The following PLCE1 variants were observed in gnomAD, a reference collection of about 807,000 sequenced individuals.
The protein encoded by PLCE1 is phospholipase C epsilon 1, also known as 1-phosphatidylinositol 4,5-bisphosphate phosphodiesterase epsilon-1.
PLCE1 carries 119 observed loss-of-function variants against 242.8 expected under a neutral mutation model. The ratio of observed to expected loss-of-function variants is 0.49; its 90% CI spans 0.42 to 0.57. The LOEUF (loss-of-function observed/expected upper bound fraction) is 0.57, where lower values mean the gene tolerates loss of function less well. Ranked by LOEUF, PLCE1 falls within the 20% of genes least tolerant of loss-of-function variation. PLCE1 has a pLI of 0.00. For missense variants in PLCE1, 2,441 were observed against 2,788.8 expected (o/e 0.88, Z 2.81); for synonymous variants, 945 against 1,017.4 (o/e 0.93, Z 1.35).
intron 2 of PLCE1, among the ~76,000 whole-genome samples, chr10:94,093,336 G>C (rs1237218655): frequency 6.6e-6 from 1 of 152,174 alleles, no homozygotes; most frequent in Non-Finnish European, 1.5e-5. Context: ...GAAAGTCTTT[G>C]TGAACGTTTC....
intron 26 of PLCE1, 143 bp from the exon 27 acceptor site, chr10:94,308,438 C>T (rs759880574): frequency 5.2e-4 from 398 of 762,920 alleles, no homozygotes; most frequent in Non-Finnish European, 7.4e-4. Flanking sequence ...ACTCTCTTGG[C>T]GAAAAGACGC....
Position 94,173,569 on chromosome 10 carries a change from T to A in PLCE1, c.1809+2073T>A, listed in dbSNP as rs2048045793. ...TTAAATTTCGACCTGAACTTAAAAG[T>A]GAATTGCCAAAACTTTTAAAATCTA... On this transcript the variant is annotated intron_variant, in intron 4 of 32. Coordinates refer to ENST00000371380, the MANE Select transcript of PLCE1 (RefSeq NM_016341.4). 2.0e-5 allele frequency among the ~76,000 whole-genome samples: 3 copies of A among 152,342 alleles called. No individual in the cohort carries two copies. The East Asian group carries it at 5.8e-4, about 29-fold the overall frequency.
intron 7 of PLCE1, among the ~76,000 whole-genome samples, chr10:94,238,680 G>A (rs755985982): frequency 3.9e-5 from 6 of 152,118 alleles, no homozygotes; most frequent in Non-Finnish European, 7.4e-5. Flanking sequence ...AAAACATATA[G>A]AGGCATGGAG....
In PLCE1 at chr10:94,031,859, G is replaced by C; in HGVS notation, c.813G>C (p.Glu271Asp). Residue 271 changes from glutamate (E) to aspartate (D), a missense_variant, in exon 2 of 33, where the codon GAG becomes GAC. Coordinates refer to ENST00000371380, the MANE Select transcript of PLCE1 (RefSeq NM_016341.4). ...DKYFCFEGSC[E>D]KVDMVYSGDS... ...ACTTTTGCTTTGAAGGCTCTTGTGAGAAGGTTGACATGGTATATTCAGGTG... is the reference window on the plus strand; with the variant it reads ...ACTTTTGCTTTGAAGGCTCTTGTGACAAGGTTGACATGGTATATTCAGGTG... 6.2e-7 allele frequency: 1 copy of C among 1,613,918 alleles called. No homozygotes were observed. The highest frequency in any genetic ancestry group is 2.2e-5 in the East Asian group (1 of 44,858).
At chr10:94,183,072 G>A (rs2048360928) in intron 4 of PLCE1, among the ~76,000 whole-genome samples, 1 of 152,190 alleles carries the variant, frequency 6.6e-6, no homozygotes, top group Non-Finnish European at 1.5e-5. Flanking sequence ...GTCAGCTTTG[G>A]TCAGAGATTA....
chr10:94,214,315 T>C (rs566225384), intron 4 of PLCE1, among the ~76,000 whole-genome samples: 1 of 152,276 alleles, frequency 6.6e-6, no homozygotes, highest in East Asian at 1.9e-4. Context: ...AGCTGCCTAC[T>C]TGATCTTCAC....
At chr10:94,324,204 T>C (rs78496913) in intron 30 of PLCE1, 145 bp from the exon 31 acceptor site, 17,847 of 756,624 alleles carry the variant, frequency 0.024, 326 homozygotes, top group Middle Eastern at 0.043. Context: ...ACTATACAAC[T>C]GCAAAATGAG....
intron 4 of PLCE1, among the ~76,000 whole-genome samples, chr10:94,214,817 A>G (rs1179026633): frequency 1.3e-5 from 2 of 152,206 alleles, no homozygotes; most frequent in African/African-American, 4.8e-5. Context: ...GAATCACAGC[A>G]TGGTCTCCAA....
intron 5 of PLCE1, among the ~76,000 whole-genome samples, chr10:94,233,684 A>T (rs2050220397): frequency 6.6e-6 from 1 of 152,222 alleles, no homozygotes; most frequent in Non-Finnish European, 1.5e-5. Flanking sequence ...GCGGTGGCTC[A>T]TGCCTGTAAT....
At chr10:94,125,311 T>C (rs1291673250) in intron 2 of PLCE1, among the ~76,000 whole-genome samples, 1 of 152,208 alleles carries the variant, frequency 6.6e-6, no homozygotes, top group Non-Finnish European at 1.5e-5. Context: ...GTAATAGGAT[T>C]TTCTGTTTGG....
At chr10:94,154,881 AATATATATATATAC>A (rs1432827451) in intron 3 of PLCE1, among the ~76,000 whole-genome samples, 2 of 147,138 alleles carry the variant, frequency 1.4e-5, no homozygotes, top group Non-Finnish European at 3.0e-5. Context: ...CTCTATTTTA[AATATATATATATAC>A]ATATATATAT....
At chr10:94,085,355 T>C (rs764849726) in intron 2 of PLCE1, among the ~76,000 whole-genome samples, 7 of 151,960 alleles carry the variant, frequency 4.6e-5, no homozygotes, top group Admixed American at 1.3e-4. Flanking sequence ...GAGGGGAGAA[T>C]TGATGACCAC....
At chr10:94,245,136 C>G (rs1186082986) in intron 7 of PLCE1, among the ~76,000 whole-genome samples, 1 of 152,092 alleles carries the variant, frequency 6.6e-6, no homozygotes, top group Non-Finnish European at 1.5e-5. Context: ...GGCAAACAAG[C>G]CTAACAATGA....
At chr10:94,171,845 C>T (rs2047990487) in intron 4 of PLCE1, among the ~76,000 whole-genome samples, 1 of 152,128 alleles carries the variant, frequency 6.6e-6, no homozygotes, top group African/African-American at 2.4e-5. Context: ...CCACATGTCT[C>T]AATTTTGAGT....
At chr10:94,236,432 G>A (rs1001659814) in intron 7 of PLCE1, among the ~76,000 whole-genome samples, 1 of 151,972 alleles carries the variant, frequency 6.6e-6, no homozygotes, top group Non-Finnish European at 1.5e-5. Context: ...ATTTCAGAAG[G>A]AGAGCTGTGA....
At chr10:94,170,761 C>A (rs1204075851) in intron 3 of PLCE1, among the ~76,000 whole-genome samples, 2 of 152,168 alleles carry the variant, frequency 1.3e-5, no homozygotes, top group Non-Finnish European at 2.9e-5. Flanking sequence ...TATACATATT[C>A]TTCACCACAC....
intron 2 of PLCE1, among the ~76,000 whole-genome samples, chr10:94,052,696 CT>C (rs1489718138): frequency 1.6e-4 from 24 of 151,934 alleles, no homozygotes; most frequent in African/African-American, 5.3e-4. Flanking sequence ...TCCAAAGTGT[CT>C]TTTCCTATTT....
At chr10:94,313,751 AGAT>A (rs201053600) in intron 28 of PLCE1, among the ~76,000 whole-genome samples, 10,045 of 152,216 alleles carry the variant, frequency 0.066, 463 homozygotes, top group East Asian at 0.19. Context: ...CTTCACGCAG[AGAT>A]TATTAATCAA....
At chr10:94,064,811 G>A (rs1251561141) in intron 2 of PLCE1, among the ~76,000 whole-genome samples, 1 of 152,184 alleles carries the variant, frequency 6.6e-6, no homozygotes, top group African/African-American at 2.4e-5. Flanking sequence ...CAGAGTCCCT[G>A]TGCAGTAAGA....
Sources: gnomAD v4.1 joint callset for allele counts (sites outside exome capture counted in the v4.1 genomes callset) on GRCh38, gnomAD v4.1.1 for gene constraint, MANE v1.5 for transcripts, NCBI Gene and HGNC (gene_info 2026-07-23, HGNC 2026-07-21) for gene names.